NOSTRIN: variants seen among roughly 807,000 people sequenced by gnomAD.
NOSTRIN encodes BM247 homolog.
Under a neutral mutation model 59.0 loss-of-function variants are expected in NOSTRIN, and 63 were observed. That is an observed-to-expected ratio of 1.07 (90% CI 0.87 to 1.32). The LOEUF (loss-of-function observed/expected upper bound fraction) is 1.32, where lower values mean the gene tolerates loss of function less well. Ranked by LOEUF, NOSTRIN falls within the 40% of genes most tolerant of loss-of-function variation. The pLI is 0.00. For missense variants in NOSTRIN, 512 were observed against 473.1 expected, an observed-to-expected ratio of 1.08 and a Z score of -0.76; for synonymous variants, 200 against 165.4, an observed-to-expected ratio of 1.21 and a Z score of -1.61.
chr2:168,855,487 A>C (rs1399749972), intron 11 of NOSTRIN, 27 bp downstream of exon 11: 3 of 1,285,116 alleles, frequency 2.3e-6, no homozygotes, highest in Middle Eastern at 1.9e-4. Flanking sequence ...TTGAATGGCC[A>C]GAAAAGGGAC....
At chr2:168,822,446 C>T (rs781730407) in intron 2 of NOSTRIN, among the ~76,000 whole-genome samples, 5 of 152,176 alleles carry the variant, frequency 3.3e-5, no homozygotes, top group African/African-American at 4.8e-5. Flanking sequence ...TCAGTCTATG[C>T]CACGGAGTTA....
chr2:168,860,734 T>A lies in NOSTRIN; in HGVS notation c.1180-61T>A, dbSNP rs1275535898. 6.6e-6 allele frequency: 7 copies of A among 1,064,814 alleles called. No individual in the cohort carries two copies. In the African/African-American group the frequency reaches 9.6e-5, roughly 15 times the overall value. The allele number at this position is 1,064,814 out of a possible 1,614,324, so 66.0% of individuals were successfully genotyped here. A position where few individuals can be genotyped will look rare whatever the true frequency, so the allele number is the denominator to read the frequency against. ...AGGAAAACAGCTACAGAAGAGTTAA[T>A]TTTCATGAATGTTTATGATAATCGT... On this transcript the variant is annotated intron_variant, in intron 13 of 15. Transcript: ENST00000317647.
chr2:168,846,900 GA>G (rs1417083347), intron 8 of NOSTRIN, among the ~76,000 whole-genome samples: 1 of 152,170 alleles, frequency 6.6e-6, no homozygotes, highest in Non-Finnish European at 1.5e-5. Flanking sequence ...ACATAAAATG[GA>G]CGCCTCAGGA....
At chr2:168,814,651 C>G (rs10176220) in intron 2 of NOSTRIN, among the ~76,000 whole-genome samples, 2,375 of 152,262 alleles carry the variant, frequency 0.016, 61 homozygotes, top group African/African-American at 0.054. Flanking sequence ...TTATGACAGA[C>G]AATGATGAAG....
chr2:168,864,067 A>G (rs1689679606), intron 15 of NOSTRIN, among the ~76,000 whole-genome samples: 1 of 151,568 alleles, frequency 6.6e-6, no homozygotes, highest in Non-Finnish European at 1.5e-5. Flanking sequence ...TCCTGGATTC[A>G]AGTGATTCTC....
chr2:168,846,121 T>C (rs1361798748), intron 8 of NOSTRIN, among the ~76,000 whole-genome samples: 1 of 152,186 alleles, frequency 6.6e-6, no homozygotes, highest in Non-Finnish European at 1.5e-5. Context: ...GTATACTCAG[T>C]CTATACCAGA....
At chr2:168,817,008 T>C (rs1160846008) in intron 2 of NOSTRIN, among the ~76,000 whole-genome samples, 1 of 152,062 alleles carries the variant, frequency 6.6e-6, no homozygotes, top group African/African-American at 2.4e-5. Flanking sequence ...CTAGAAAAAA[T>C]AAAATCACAG....
At chr2:168,845,790 C>CT (rs3216710) in intron 8 of NOSTRIN, among the ~76,000 whole-genome samples, 1,839 of 140,590 alleles carry the variant, frequency 0.013, 28 homozygotes, top group East Asian at 0.041. Context: ...TTTTTTCTTC[C>CT]TTTTTTTTTT....
chr2:168,832,609 A>G (rs1687427962), intron 6 of NOSTRIN, among the ~76,000 whole-genome samples: 1 of 152,184 alleles, frequency 6.6e-6, no homozygotes, highest in Non-Finnish European at 1.5e-5. Flanking sequence ...AAGACCAAGG[A>G]CATTAATAAA....
rs1477926216 is a variant in NOSTRIN, at chr2:168,811,552, G to C, written c.28-15G>C. ...TCCTGTTCATTGTTTTTTTGTTATTGTTCTTGTTTTTCAGTATAATAAAGT... is the reference window on the plus strand; with the variant it reads ...TCCTGTTCATTGTTTTTTTGTTATTCTTCTTGTTTTTCAGTATAATAAAGT... On this transcript the variant is annotated splice_polypyrimidine_tract_variant and intron_variant, in intron 1 of 15. Coordinates refer to ENST00000317647, the MANE Select transcript of NOSTRIN (RefSeq NM_001039724.4). The C allele has an allele frequency of 2.5e-6, 2 of 790,024 alleles. No homozygotes were observed. The highest frequency in any genetic ancestry group is 1.6e-5 in the South Asian group (1 of 64,410). 48.9% of individuals were successfully genotyped at this position (790,024 alleles called of 1,614,324 possible). A position where few individuals can be genotyped will look rare whatever the true frequency, so the allele number is the denominator to read the frequency against.
chr2:168,834,507 G>GCGCGCGCGCGCGCACACACA (rs756381301), intron 7 of NOSTRIN, among the ~76,000 whole-genome samples, 182 bp downstream of exon 7: 11 of 125,342 alleles, frequency 8.8e-5, no homozygotes, highest in East Asian at 2.4e-4. Flanking sequence ...GCGCGCGCGC[G>GCGCGCGCGCGCGCACACACA]CACACACACA....
intron 2 of NOSTRIN, among the ~76,000 whole-genome samples, chr2:168,792,861 A>G (rs537162782): frequency 2.2e-4 from 33 of 152,330 alleles, no homozygotes; most frequent in South Asian, 1.0e-3. Context: ...AACAGTCGTT[A>G]TGTATACTCT....
chr2:168,834,969 T>A (rs1687632211), intron 7 of NOSTRIN, among the ~76,000 whole-genome samples: 1 of 152,224 alleles, frequency 6.6e-6, no homozygotes, highest in Non-Finnish European at 1.5e-5. Context: ...AACCATGATG[T>A]CTTTAGATAA....
intron 2 of NOSTRIN, among the ~76,000 whole-genome samples, chr2:168,820,983 G>T (rs116577451): frequency 1.3e-5 from 2 of 152,200 alleles, no homozygotes; most frequent in African/African-American, 4.8e-5. Flanking sequence ...ATTCAGGATT[G>T]TTCTGGAGCC....
At chr2:168,813,421 T>C (rs1198476929) in intron 2 of NOSTRIN, among the ~76,000 whole-genome samples, 1 of 152,198 alleles carries the variant, frequency 6.6e-6, no homozygotes, top group Non-Finnish European at 1.5e-5. Context: ...AGGGAGTCTC[T>C]GCTTGAAGCC....
chr2:168,811,999 C>T (rs1686164117), intron 2 of NOSTRIN: 1 of 163,310 alleles, frequency 6.1e-6, no homozygotes, highest in Admixed American at 6.4e-5. Flanking sequence ...ATTTTTCTCT[C>T]CCCTCGAAGG....
chr2:168,836,338 C>T (rs1013046393), intron 7 of NOSTRIN, among the ~76,000 whole-genome samples: 1 of 152,176 alleles, frequency 6.6e-6, no homozygotes, highest in African/African-American at 2.4e-5. Context: ...CCTCTTCCTA[C>T]CCCCATCAGC....
chr2:168,827,187 CT>C (rs1306690437), intron 3 of NOSTRIN, among the ~76,000 whole-genome samples: 1 of 152,168 alleles, frequency 6.6e-6, no homozygotes, highest in Admixed American at 6.5e-5. Context: ...CCTGGGGTTT[CT>C]TGATGTGATT....
At position 168,864,980 on chromosome 2, in the gene NOSTRIN, C is replaced by T. The variant is rs377429537; in HGVS notation, c.*10C>T. The stretch of plus-strand genomic sequence containing the variant: ...AGCTACAAAGGCATAAAACAAGACT[C>T]TGAACATACTACCTTCACACTCGGT... On this transcript the variant is annotated 3_prime_UTR_variant, in exon 16 of 16. Transcript: ENST00000317647. The T allele has an allele frequency of 6.2e-7, 1 of 1,613,544 alleles. No individual in the cohort carries two copies. The highest frequency in any genetic ancestry group is 1.3e-5 in the African/African-American group (1 of 74,916).
Sources: gnomAD v4.1 joint callset for allele counts (sites outside exome capture counted in the v4.1 genomes callset) on GRCh38, gnomAD v4.1.1 for gene constraint, MANE v1.5 for transcripts, NCBI Gene and HGNC (gene_info 2026-07-23, HGNC 2026-07-21) for gene names.